The following ITGA8 variants were observed in gnomAD, a reference collection of about 807,000 sequenced individuals.
ITGA8 encodes integrin alpha-8.
In ITGA8, 91 loss-of-function variants were observed where a neutral mutation model predicts 142.3. That is an observed-to-expected ratio of 0.64 (90% confidence interval 0.54 to 0.76). ITGA8 has a LOEUF of 0.76. ITGA8 is among the 30% of genes least tolerant of loss of function. The probability of loss-of-function intolerance (pLI) is 0.00; values close to 1 mark genes in which losing one functional copy is unlikely to be tolerated. For synonymous variants in ITGA8, 505 were observed against 485.2 expected, an observed-to-expected ratio of 1.04 and a Z score of -0.54; for missense variants, 1,406 against 1,327.7, an observed-to-expected ratio of 1.06 and a Z score of -0.92.
At chr10:15,657,888 A>T (rs1387653298) in intron 10 of ITGA8, among the ~76,000 whole-genome samples, 1 of 152,188 alleles carries the variant, frequency 6.6e-6, no homozygotes, top group Non-Finnish European at 1.5e-5. Context: ...CCTGCATTCA[A>T]ACATGGAGGC....
intron 2 of ITGA8, among the ~76,000 whole-genome samples, chr10:15,704,121 A>G (rs1835215489): frequency 6.6e-6 from 1 of 152,188 alleles, no homozygotes; most frequent in Admixed American, 6.5e-5. Flanking sequence ...TGAGTCATCA[A>G]TTCTTGTTGA....
rs144955145 is a variant in ITGA8 at position 15,699,962 on chromosome 10, G to C, written c.344-11924C>G. 1.2e-3 allele frequency among the ~76,000 whole-genome samples: 190 copies of C among 152,120 alleles called. 2 individuals are homozygous for C. The highest frequency in any genetic ancestry group is 3.5e-3 in the Admixed American group (54 of 15,278). ...GGACCATTCACTTTTTTCTTTCTGT[G>C]AAGTGCCAGTTTATATTCTTTGCTC... On this transcript the variant is annotated intron_variant, in intron 2 of 29. Coordinates refer to ENST00000378076, the MANE Select transcript of ITGA8 (RefSeq NM_003638.3).
intron 2 of ITGA8, among the ~76,000 whole-genome samples, chr10:15,711,742 T>C (rs1185843253): frequency 6.6e-6 from 1 of 152,138 alleles, no homozygotes; most frequent in Non-Finnish European, 1.5e-5. Context: ...TAAAGACTTA[T>C]TTTTGTAATC....
chr10:15,579,932 A>G (rs143850897), intron 23 of ITGA8, among the ~76,000 whole-genome samples: 2,817 of 151,634 alleles, frequency 0.019, 38 homozygotes, highest in Middle Eastern at 0.031. Context: ...CAAGCATAAC[A>G]TTTCTGCACA....
chr10:15,599,213 T>C (rs1033127930), intron 20 of ITGA8, among the ~76,000 whole-genome samples: 7 of 152,146 alleles, frequency 4.6e-5, no homozygotes, highest in Admixed American at 3.3e-4. Flanking sequence ...CCACCCTTTT[T>C]CTTTTTTTAG....
intron 8 of ITGA8, among the ~76,000 whole-genome samples, chr10:15,664,610 C>T (rs943093585): frequency 6.6e-6 from 1 of 151,482 alleles, no homozygotes; most frequent in Non-Finnish European, 1.5e-5. Flanking sequence ...TGGTGTGCTG[C>T]ACCCATTAAC....
intron 28 of ITGA8, among the ~76,000 whole-genome samples, chr10:15,521,505 A>C (rs937573501): frequency 6.6e-6 from 1 of 152,196 alleles, no homozygotes; most frequent in African/African-American, 2.4e-5. Context: ...GCATGGACAG[A>C]GGAGTGAGAT....
intron 4 of ITGA8, among the ~76,000 whole-genome samples, chr10:15,679,301 A>G (rs1008954435): frequency 5.3e-5 from 8 of 152,142 alleles, no homozygotes; most frequent in Non-Finnish European, 1.0e-4. Flanking sequence ...TTATCCTATT[A>G]TGGCCAGTTG....
At chr10:15,538,668 A>T (rs1198092321) in intron 27 of ITGA8, among the ~76,000 whole-genome samples, 1 of 151,996 alleles carries the variant, frequency 6.6e-6, no homozygotes, top group Non-Finnish European at 1.5e-5. Context: ...AAAAAAGAAA[A>T]TGTTCAAGTT....
At chr10:15,640,159 A>G (rs1833845004) in intron 13 of ITGA8, among the ~76,000 whole-genome samples, 2 of 152,212 alleles carry the variant, frequency 1.3e-5, no homozygotes, top group South Asian at 2.1e-4. Flanking sequence ...TCTCCCACTG[A>G]CAACCTCCAC....
rs1312371637 is a variant in ITGA8 at position 15,644,239 on chromosome 10, A to G, written c.1208-18T>C. On this transcript the variant is annotated intron_variant, in intron 12 of 29. Transcript: ENST00000378076. Reference sequence around the variant, plus strand: ...GGCAATGTCTAAAAACAGACATAAAACATGTTTTATGTGTATATGTATTTA... The same window carrying G: ...GGCAATGTCTAAAAACAGACATAAAGCATGTTTTATGTGTATATGTATTTA... The G allele has an allele frequency of 5.6e-6, 9 of 1,608,066 alleles. No homozygotes were observed. The Admixed American group carries it at 6.7e-5, about 12-fold the overall frequency.
intron 8 of ITGA8, among the ~76,000 whole-genome samples, chr10:15,670,797 G>A (rs952551983): frequency 6.6e-6 from 1 of 152,048 alleles, no homozygotes; most frequent in African/African-American, 2.4e-5. Flanking sequence ...TCCATGACCC[G>A]TAAAACCGGA....
intron 24 of ITGA8, among the ~76,000 whole-genome samples, chr10:15,574,717 T>A (rs540754179): frequency 1.8e-4 from 25 of 136,386 alleles, no homozygotes; most frequent in East Asian, 1.6e-3. Flanking sequence ...ATATATATTT[T>A]TTTTTTAGCA....
chr10:15,661,740 G>A (rs1834290756), intron 8 of ITGA8, among the ~76,000 whole-genome samples: 1 of 152,166 alleles, frequency 6.6e-6, no homozygotes, highest in Non-Finnish European at 1.5e-5. Context: ...AGAGAGGGGA[G>A]CCTTGGACAG....
intron 5 of ITGA8, 151 bp downstream of exon 5, chr10:15,678,571 T>A (rs1358952536): frequency 4.0e-6 from 2 of 495,106 alleles, no homozygotes; most frequent in African/African-American, 2.0e-5. Flanking sequence ...AAAATTTTTT[T>A]AGAAAGCATT....
At chr10:15,577,095 G>T (rs1256242615) in intron 23 of ITGA8, among the ~76,000 whole-genome samples, 3 of 152,152 alleles carry the variant, frequency 2.0e-5, no homozygotes, top group Non-Finnish European at 4.4e-5. Context: ...TGGCAACAGA[G>T]AGTTGAGTTC....
chr10:15,660,830 A>G (rs773567548), intron 9 of ITGA8, 49 bp downstream of exon 9: 2 of 1,411,168 alleles, frequency 1.4e-6, no homozygotes. Context: ...ATCAAGGAGC[A>G]CCTATACAAG....
At position 15,572,272 on chromosome 10, in the gene ITGA8, A is replaced by C; in HGVS notation, c.2576T>G (p.Ile859Ser). ...GCACTGCAGAGGTCCCAGAGTTTGA[A>C]TATGGAAAATATAGAGAAGAAATTC... ...RDEFLLYIFH[I>S]QTLGPLQCQP... Residue 859 changes from isoleucine to serine, a missense_variant, in exon 25 of 30, where the codon ATT becomes AGT. By Grantham distance (142) the Ile-to-Ser change is moderately radical (BLOSUM62 -2). Coordinates refer to ENST00000378076, the MANE Select transcript of ITGA8 (RefSeq NM_003638.3). 6.2e-7 allele frequency: 1 copy of C among 1,614,064 alleles called. No homozygotes were observed. Among genetic ancestry groups the C allele is most frequent in the Non-Finnish European group, 8.5e-7 (1 of 1,179,918 alleles).
chr10:15,543,389 G>T (rs1833609506), intron 27 of ITGA8, among the ~76,000 whole-genome samples: 1 of 152,156 alleles, frequency 6.6e-6, no homozygotes, highest in South Asian at 2.1e-4. Flanking sequence ...TCACCCCTGT[G>T]TTTACTCACA....
Sources: gnomAD v4.1 joint callset for allele counts (sites outside exome capture counted in the v4.1 genomes callset) on GRCh38, gnomAD v4.1.1 for gene constraint, MANE v1.5 for transcripts, NCBI Gene and HGNC (gene_info 2026-07-23, HGNC 2026-07-21) for gene names.